The following CDH4 variants were observed in gnomAD, a reference collection of about 807,000 sequenced individuals.
CDH4 encodes the protein cadherin 4.
CDH4 carries 33 observed loss-of-function variants against 86.0 expected under a neutral mutation model. The observed-to-expected ratio is 0.38, with a 90% CI of 0.29 to 0.51. The LOEUF (loss-of-function observed/expected upper bound fraction) is 0.51. Among genes scored for constraint, CDH4 ranks in the 20% least tolerant of loss-of-function variants. CDH4 has a pLI of 0.86. For synonymous variants in CDH4, 555 were observed against 549.4 expected (o/e 1.01, Z -0.14); for missense variants, 1,114 against 1,307.4 (o/e 0.85, Z 2.28).
rs1271907373 is a variant in CDH4 at position 61,392,477 on chromosome 20, A to T, written c.169+137540A>T. Among the ~76,000 whole-genome samples the T allele has an allele frequency of 6.6e-6, 1 of 152,148 alleles. No individual in the cohort carries two copies. The highest frequency in any genetic ancestry group is 1.5e-5 in the Non-Finnish European group (1 of 68,028). On this transcript the variant is annotated intron_variant, in intron 2 of 15. Transcript: ENST00000614565. The surrounding 1 kb of genome is among the most constrained non-coding windows in gnomAD (Gnocchi z 5.7). ...AAAATTAACCTTTTTTAATAACAGA[A>T]ATGATATAGTCCATTGAAGTAGGGC... is the stretch of plus-strand genomic sequence containing the variant.
At chr20:61,531,775 C>T (rs58475007) in intron 2 of CDH4, among the ~76,000 whole-genome samples, 4,993 of 152,276 alleles carry the variant, frequency 0.033, 260 homozygotes, top group African/African-American at 0.11. Context: ...ATCAGCCTGA[C>T]GCACAGGCCT....
At chr20:61,652,940 T>TTTTTTATTTTTTA (rs2087139445) in intron 2 of CDH4, among the ~76,000 whole-genome samples, 2 of 111,132 alleles carry the variant, frequency 1.8e-5, no homozygotes, top group African/African-American at 6.1e-5. Flanking sequence ...ATTTATTTAT[T>TTTTTTATTTTTTA]TTTTTTTTTT....
At chr20:61,348,253 G>A (rs2084690778) in intron 2 of CDH4, among the ~76,000 whole-genome samples, 1 of 152,074 alleles carries the variant, frequency 6.6e-6, no homozygotes, top group Non-Finnish European at 1.5e-5. Context: ...ATCTTACATG[G>A]TGGCAGGCAA....
At chr20:61,318,463 G>A (rs1600861767) in intron 2 of CDH4, among the ~76,000 whole-genome samples, 1 of 152,060 alleles carries the variant, frequency 6.6e-6, no homozygotes, top group African/African-American at 2.4e-5. Context: ...TTTACCCCTT[G>A]CCTCATCTCT....
At chr20:61,682,940 C>T (rs899765640) in intron 2 of CDH4, among the ~76,000 whole-genome samples, 1 of 152,004 alleles carries the variant, frequency 6.6e-6, no homozygotes, top group Non-Finnish European at 1.5e-5. Flanking sequence ...TGTGAAAATG[C>T]ATTCAGTGAG....
chr20:61,409,665 G>A lies in CDH4; in HGVS notation c.169+154728G>A, dbSNP rs547915874. Among the ~76,000 whole-genome samples, 12 of 152,360 alleles carry A rather than the reference G, an allele frequency of 7.9e-5. No homozygotes were observed. The South Asian group carries it at 1.9e-3, about 24-fold the overall frequency. ...CCGCTGCGTGTGACACAGGTTGGTC[G>A]CAGAAATCAGTCTACAGAGATACCG... On this transcript the variant is annotated intron_variant, in intron 2 of 15. Transcript: ENST00000614565.
intron 2 of CDH4, among the ~76,000 whole-genome samples, chr20:61,313,789 T>A (rs1490580977): frequency 6.6e-6 from 1 of 152,230 alleles, no homozygotes; most frequent in African/African-American, 2.4e-5. Context: ...CAGGCTGGAG[T>A]GCAGTGGTGC....
At chr20:61,542,458 A>G (rs1165128049) in intron 2 of CDH4, among the ~76,000 whole-genome samples, 1 of 152,146 alleles carries the variant, frequency 6.6e-6, no homozygotes, top group Non-Finnish European at 1.5e-5. Flanking sequence ...GAGTGAGGTT[A>G]TTTCATCGCT....
At chr20:61,725,654 A>C (rs938828369) in intron 2 of CDH4, among the ~76,000 whole-genome samples, 12 of 152,128 alleles carry the variant, frequency 7.9e-5, no homozygotes, top group Non-Finnish European at 1.0e-4. Flanking sequence ...GAGTGCAAGC[A>C]GAAACCAACC....
intron 2 of CDH4, among the ~76,000 whole-genome samples, chr20:61,671,848 AGGTGGATGGATGAATGGATGGATGGAT>A (rs1227663981): frequency 2.1e-5 from 3 of 145,548 alleles, no homozygotes; most frequent in Non-Finnish European, 4.5e-5. Context: ...CATGGGTGGA[AGGTGGATGGATGAATGGATGGATGGAT>A]GGTGGATGGA....
In CDH4 at chr20:61,800,840, G is replaced by A. The variant is rs151288447; in HGVS notation, c.576+27658G>A. 4.7e-3 allele frequency among the ~76,000 whole-genome samples: 713 copies of A among 152,326 alleles called. 1 individual carries two copies. Among genetic ancestry groups the A allele is most frequent in the Non-Finnish European group, 7.8e-3 (533 of 68,026 alleles). ...ACAGGCCCACTGGGGACCCTGGGGC[G>A]TGTAACCTCTGGCACTCCACATCCT... On this transcript the variant is annotated intron_variant, in intron 4 of 15. Transcript: ENST00000614565.
chr20:61,450,788 G>A (rs2085374968), intron 2 of CDH4, among the ~76,000 whole-genome samples: 1 of 150,590 alleles, frequency 6.6e-6, no homozygotes, highest in Non-Finnish European at 1.5e-5. Flanking sequence ...AGAGAACCCT[G>A]CTCTCCAATG....
intron 2 of CDH4, among the ~76,000 whole-genome samples, chr20:61,554,049 G>A (rs1568890026): frequency 6.6e-6 from 1 of 152,198 alleles, no homozygotes; most frequent in South Asian, 2.1e-4. Context: ...ACTCCCCAGG[G>A]CAGGGGCAGG....
intron 2 of CDH4, among the ~76,000 whole-genome samples, chr20:61,274,367 G>A (rs1247150905): frequency 9.8e-6 from 1 of 102,212 alleles, no homozygotes; most frequent in African/African-American, 4.0e-5. Flanking sequence ...GCAGTTGTTT[G>A]GGGGAGTACC....
chr20:61,316,909 G>T (rs1413937975), intron 2 of CDH4, among the ~76,000 whole-genome samples: 1 of 152,180 alleles, frequency 6.6e-6, no homozygotes, highest in Non-Finnish European at 1.5e-5. Flanking sequence ...GGGTCCTCCA[G>T]CCTCCCTCAG....
At chr20:61,839,962 T>C (rs1299029282) in intron 4 of CDH4, among the ~76,000 whole-genome samples, 2 of 151,814 alleles carry the variant, frequency 1.3e-5, no homozygotes, top group Non-Finnish European at 2.9e-5. Flanking sequence ...ATGGTGTGTG[T>C]GTGTGTCCAG....
chr20:61,746,961 C>T (rs922977114), intron 3 of CDH4, among the ~76,000 whole-genome samples: 4 of 152,282 alleles, frequency 2.6e-5, no homozygotes, highest in South Asian at 2.1e-4. Flanking sequence ...AAGGTGACAC[C>T]GGATTGCTGG....
intron 2 of CDH4, among the ~76,000 whole-genome samples, chr20:61,500,331 C>T (rs1248777825): frequency 6.6e-6 from 1 of 152,238 alleles, no homozygotes; most frequent in Non-Finnish European, 1.5e-5. Context: ...AAAGCCATTG[C>T]TCACTCGCGT....
intron 2 of CDH4, among the ~76,000 whole-genome samples, chr20:61,725,498 G>A (rs887118768): frequency 6.6e-6 from 1 of 152,182 alleles, no homozygotes; most frequent in African/African-American, 2.4e-5. Flanking sequence ...CTAGGCCTCA[G>A]CTCTCTTTCT....
Sources: gnomAD v4.1 joint callset for allele counts (sites outside exome capture counted in the v4.1 genomes callset) on GRCh38, gnomAD v4.1.1 for gene constraint, Gnocchi (gnomAD v3.1) non-coding constraint, MANE v1.5 for transcripts, NCBI Gene and HGNC (gene_info 2026-07-23, HGNC 2026-07-21) for gene names.